SDK1: variants seen among roughly 807,000 people sequenced by gnomAD.
SDK1 encodes the protein sidekick cell adhesion molecule 1.
Under a neutral mutation model 245.5 loss-of-function variants are expected in SDK1, and 157 were observed. The ratio of observed to expected loss-of-function variants is 0.64; its 90% confidence interval spans 0.56 to 0.73. The LOEUF (loss-of-function observed/expected upper bound fraction) is 0.73, where lower values mean the gene tolerates loss of function less well. Ranked by LOEUF, SDK1 falls within the 30% of genes least tolerant of loss-of-function variation. The probability of loss-of-function intolerance (pLI) is 0.00; values close to 1 mark genes in which losing one functional copy is unlikely to be tolerated. For missense variants in SDK1, 3,583 were observed against 3,002.3 expected (o/e 1.19, Z -4.52); for synonymous variants, 1,647 against 1,278.5 (o/e 1.29, Z -6.15).
chr7:3,333,927 G>A (rs73672093), intron 1 of SDK1, among the ~76,000 whole-genome samples: 28,855 of 152,174 alleles, frequency 0.19, 2,768 homozygotes, highest in African/African-American at 0.23. Flanking sequence ...GCATGGGGCT[G>A]CTGATTTGGC....
chr7:3,534,935 G>C (rs1778831982), intron 1 of SDK1, among the ~76,000 whole-genome samples: 1 of 152,156 alleles, frequency 6.6e-6, no homozygotes, highest in Admixed American at 6.5e-5. Flanking sequence ...TCAGTGGACA[G>C]CTCATTTGCA....
rs543708995 is a variant in SDK1 at position 4,165,687 on chromosome 7, A to T, written c.4800+3831A>T. Among the ~76,000 whole-genome samples the T allele has an allele frequency of 2.0e-5, 3 of 152,204 alleles. No homozygotes were observed. The South Asian group carries it at 6.2e-4, about 32-fold the overall frequency. Reference sequence around the variant, plus strand: ...GTATTTTCAGTAGAGACAGGATTTCATCATGTTGGCCAGGCTGGTCTCAAA... The same window carrying T: ...GTATTTTCAGTAGAGACAGGATTTCTTCATGTTGGCCAGGCTGGTCTCAAA... On this transcript the variant is annotated intron_variant, in intron 32 of 44. Coordinates refer to ENST00000404826, the MANE Select transcript of SDK1 (RefSeq NM_152744.4).
chr7:3,721,697 A>G (rs1315290201), intron 4 of SDK1, among the ~76,000 whole-genome samples: 1 of 152,116 alleles, frequency 6.6e-6, no homozygotes, highest in African/African-American at 2.4e-5. Flanking sequence ...TCACTGAGGA[A>G]GGGGGAGGAA....
intron 4 of SDK1, among the ~76,000 whole-genome samples, chr7:3,689,832 C>T (rs921419698): frequency 1.3e-5 from 2 of 152,200 alleles, no homozygotes; most frequent in African/African-American, 4.8e-5. Context: ...TGTGTCTACA[C>T]AGGCCCATAT....
In SDK1 at chr7:4,206,645, T is replaced by C. The variant is rs541105777; in HGVS notation, c.5214+651T>C. On this transcript the variant is annotated intron_variant, in intron 36 of 44. Coordinates refer to ENST00000404826, the MANE Select transcript of SDK1 (RefSeq NM_152744.4). ...GGAATCATTATGTGGGGCTGGGTTA[T>C]CCATGGGGCGGGAAGCACCTCTCCA... 2.0e-5 allele frequency among the ~76,000 whole-genome samples: 3 copies of C among 151,982 alleles called. 1 individual carries two copies. The highest frequency in any genetic ancestry group is 7.2e-5 in the African/African-American group (3 of 41,462).
intron 22 of SDK1, among the ~76,000 whole-genome samples, chr7:4,083,667 T>TACTTCTTC (rs1256821413): frequency 1.4e-5 from 2 of 141,496 alleles, no homozygotes; most frequent in Non-Finnish European, 1.5e-5. Flanking sequence ...CTCCCTTCTT[T>TACTTCTTC]CCTCCCTCTC....
At chr7:3,809,552 A>T (rs6961230) in intron 4 of SDK1, among the ~76,000 whole-genome samples, 53,924 of 152,084 alleles carry the variant, frequency 0.35, 11,462 homozygotes, top group African/African-American at 0.59. Flanking sequence ...CCTTTGGTCA[A>T]AATTATGCTC....
intron 17 of SDK1, among the ~76,000 whole-genome samples, chr7:4,043,629 G>A (rs1035614315): frequency 3.9e-5 from 6 of 152,248 alleles, no homozygotes; most frequent in Non-Finnish European, 7.3e-5. Context: ...CAGGATGCAG[G>A]ACCAGAACTT....
chr7:3,430,586 T>C (rs1779814770), intron 1 of SDK1, among the ~76,000 whole-genome samples: 1 of 152,184 alleles, frequency 6.6e-6, no homozygotes, highest in Non-Finnish European at 1.5e-5. Flanking sequence ...CCTCCTGTCC[T>C]ATGTGACAGT....
intron 1 of SDK1, among the ~76,000 whole-genome samples, chr7:3,398,786 C>G (rs989939477): frequency 7.9e-6 from 1 of 127,096 alleles, no homozygotes; most frequent in Non-Finnish European, 1.6e-5. Flanking sequence ...TTTTTTTTTT[C>G]CTCAAGCTAG....
intron 41 of SDK1, among the ~76,000 whole-genome samples, chr7:4,233,723 G>A (rs1785956911): frequency 6.6e-6 from 1 of 152,156 alleles, no homozygotes; most frequent in Non-Finnish European, 1.5e-5. Flanking sequence ...CAGGGAACAT[G>A]TGGGTGGGGA....
chr7:3,797,986 C>T lies in SDK1; in HGVS notation c.714-23464C>T, dbSNP rs529957800. ...CAAGAGAGTTCTGGTTTTCCCTTCA[C>T]ACAGATTTCTGTAATGTTAACATCT... On this transcript the variant is annotated intron_variant, in intron 4 of 44. Transcript: ENST00000404826. Among the ~76,000 whole-genome samples, 13 of 152,234 alleles carry T rather than the reference C, an allele frequency of 8.5e-5. No individual in the cohort carries two copies. In the South Asian group the frequency reaches 2.5e-3, roughly 29 times the overall value.
At chr7:4,209,668 G>C (rs928935125) in intron 37 of SDK1, among the ~76,000 whole-genome samples, 3 of 152,138 alleles carry the variant, frequency 2.0e-5, no homozygotes, top group Non-Finnish European at 4.4e-5. Context: ...CCGGCAAAGA[G>C]CAGGACTAGA....
At chr7:3,970,565 A>G (rs1308068606) in intron 11 of SDK1, among the ~76,000 whole-genome samples, 2 of 152,240 alleles carry the variant, frequency 1.3e-5, no homozygotes, top group Non-Finnish European at 2.9e-5. Flanking sequence ...GCAGTAGGAT[A>G]TTAAAAAGCT....
In SDK1 at chr7:3,693,592, C is replaced by G. The variant is rs147946338; in HGVS notation, c.713+51487C>G. On this transcript the variant is annotated intron_variant, in intron 4 of 44. Transcript: ENST00000404826. ...CATAGATGCCATGTTTTTTGTGTGGCTAGATATTTTATATTTTTGTTGCTA... is the reference window on the plus strand; with the variant it reads ...CATAGATGCCATGTTTTTTGTGTGGGTAGATATTTTATATTTTTGTTGCTA... Among the ~76,000 whole-genome samples, 394 of 152,014 alleles carry G rather than the reference C, an allele frequency of 2.6e-3. 4 individuals are homozygous for G. The highest frequency in any genetic ancestry group is 9.3e-3 in the African/African-American group (384 of 41,446).
intron 1 of SDK1, among the ~76,000 whole-genome samples, chr7:3,398,112 G>T (rs530761182): frequency 1.3e-5 from 2 of 152,070 alleles, no homozygotes; most frequent in Non-Finnish European, 2.9e-5. Context: ...AACGTTTTCT[G>T]TAACTGTAGG....
At chr7:3,566,226 T>G (rs868047792) in intron 1 of SDK1, among the ~76,000 whole-genome samples, 1 of 129,284 alleles carries the variant, frequency 7.7e-6, no homozygotes, top group African/African-American at 3.3e-5. Context: ...AACTTCTTCT[T>G]TTTTTTTTTT....
rs575298063 is a variant in SDK1, at chr7:3,764,189, C to T, written c.714-57261C>T. On this transcript the variant is annotated intron_variant, in intron 4 of 44. Transcript: ENST00000404826. Reference sequence around the variant, plus strand: ...TGTTGTGAATGGGGATTTTCAGATGCTACAGTAATTTCTTGCATTGTAATA... The same window carrying T: ...TGTTGTGAATGGGGATTTTCAGATGTTACAGTAATTTCTTGCATTGTAATA... 1.8e-3 allele frequency among the ~76,000 whole-genome samples: 270 copies of T among 152,182 alleles called. 1 individual carries two copies. The highest frequency in any genetic ancestry group is 6.3e-3 in the African/African-American group (263 of 41,528).
At chr7:3,467,974 CA>C (rs1781059664) in intron 1 of SDK1, among the ~76,000 whole-genome samples, 1 of 102,282 alleles carries the variant, frequency 9.8e-6, no homozygotes, top group Non-Finnish European at 2.3e-5. Flanking sequence ...TCATTGTTGT[CA>C]TGTTTTTTTA....
Sources: gnomAD v4.1 joint callset for allele counts (sites outside exome capture counted in the v4.1 genomes callset) on GRCh38, gnomAD v4.1.1 for gene constraint, MANE v1.5 for transcripts, NCBI Gene and HGNC (gene_info 2026-07-23, HGNC 2026-07-21) for gene names.